Variants in LINGO2 observed in about 807,000 individuals in gnomAD.
LINGO2 encodes the protein leucine-rich repeat and immunoglobulin-like domain-containing nogo receptor-interacting protein 2.
LINGO2 carries 14 observed loss-of-function variants against 30.6 expected under a neutral mutation model. The ratio of observed to expected loss-of-function variants is 0.46; its 90% confidence interval spans 0.30 to 0.72. LINGO2 has a LOEUF of 0.72. LINGO2 is among the 30% of genes least tolerant of loss of function. The probability of loss-of-function intolerance (pLI) is 0.07; values close to 1 mark genes in which losing one functional copy is unlikely to be tolerated. For synonymous variants in LINGO2, 317 were observed against 288.5 expected (o/e 1.10, Z -1.00); for missense variants, 729 against 751.7 (o/e 0.97, Z 0.35).
At chr9:28,613,096 C>T (rs568209753) in intron 1 of LINGO2, among the ~76,000 whole-genome samples, 3 of 152,220 alleles carry the variant, frequency 2.0e-5, no homozygotes, top group South Asian at 2.1e-4. Context: ...GCTTCTCCTT[C>T]GCTCTCTGCT....
intron 4 of LINGO2, among the ~76,000 whole-genome samples, chr9:28,018,529 C>G (rs1043956719): frequency 2.0e-5 from 3 of 151,962 alleles, no homozygotes; most frequent in Admixed American, 1.3e-4. Context: ...AAAAAGTAGA[C>G]AAAGGACATG....
At chr9:29,114,849 A>T in the LINGO2 span, among the ~76,000 whole-genome samples, 1 of 151,934 alleles carries the variant, frequency 6.6e-6, no homozygotes, top group African/African-American at 2.4e-5. Flanking sequence ...GATTATATTG[A>T]CCTGGTTAAA....
At chr9:28,576,562 C>A (rs1303219020) in intron 1 of LINGO2, among the ~76,000 whole-genome samples, 3 of 152,122 alleles carry the variant, frequency 2.0e-5, no homozygotes, top group African/African-American at 4.8e-5. Flanking sequence ...CTTAAATAAT[C>A]AGACACAAAA....
chr9:28,531,478 C>T (rs1050818237), intron 1 of LINGO2, among the ~76,000 whole-genome samples: 3 of 152,090 alleles, frequency 2.0e-5, no homozygotes, highest in African/African-American at 7.2e-5. Flanking sequence ...CAACATCTGA[C>T]TTCATAGTTT....
chr9:27,949,798 T>C (rs779882519), exon 6 of LINGO2: 26 of 1,613,976 alleles, frequency 1.6e-5, no homozygotes, highest in Non-Finnish European at 2.0e-5. Flanking sequence ...TCAGAGAACA[T>C]GCCTGCTTCA....
rs1283053482 is a variant in LINGO2 at position 28,219,278 on chromosome 9, C to T, written c.-87+75930G>A. ...TCTTGCTTTCAAAAAGCTTAATATT[C>T]AGAAAAACTAACGAGTGGCTTTCTG... On this transcript the variant is annotated intron_variant, in intron 4 of 5. Coordinates refer to ENST00000379992, the Ensembl canonical transcript of LINGO2. 1.3e-5 allele frequency among the ~76,000 whole-genome samples: 2 copies of T among 152,146 alleles called. 1 individual carries two copies. Among genetic ancestry groups the T allele is most frequent in the Admixed American group, 1.3e-4 (2 of 15,278 alleles).
At chr9:28,888,842 T>A in the LINGO2 span, 2 of 532,030 alleles carry the variant, frequency 3.8e-6, no homozygotes, top group South Asian at 2.8e-5. Flanking sequence ...CCATAAAATG[T>A]TGTCCATTGC....
intron 1 of LINGO2, among the ~76,000 whole-genome samples, chr9:28,479,742 G>C (rs1825862760): frequency 6.6e-6 from 1 of 150,546 alleles, no homozygotes; most frequent in Non-Finnish European, 1.5e-5. Flanking sequence ...AGGAACATGT[G>C]TCTAGTTCCT....
At chr9:28,332,434 T>C (rs985447798) in intron 3 of LINGO2, among the ~76,000 whole-genome samples, 7 of 152,116 alleles carry the variant, frequency 4.6e-5, no homozygotes, top group African/African-American at 1.4e-4. Context: ...AATGTACCAA[T>C]TCTCTAATAA....
the LINGO2 span, among the ~76,000 whole-genome samples, chr9:28,675,951 A>T: frequency 1.4e-5 from 2 of 147,938 alleles, no homozygotes; most frequent in African/African-American, 2.5e-5. Context: ...ACACACACAC[A>T]GATATATATG....
chr9:29,157,481 G>T, the LINGO2 span, among the ~76,000 whole-genome samples: 1 of 152,168 alleles, frequency 6.6e-6, no homozygotes, highest in Non-Finnish European at 1.5e-5. Context: ...GGTATGGAAA[G>T]TCAAGAGTAA....
chr9:28,300,922 T>C (rs372320270), intron 3 of LINGO2, among the ~76,000 whole-genome samples: 6 of 151,160 alleles, frequency 4.0e-5, no homozygotes, highest in African/African-American at 1.5e-4. Context: ...AATTCATAAA[T>C]TGATCCTGAT....
intron 2 of LINGO2, among the ~76,000 whole-genome samples, chr9:28,392,253 T>G (rs1489936611): frequency 6.6e-6 from 1 of 152,056 alleles, no homozygotes; most frequent in Non-Finnish European, 1.5e-5. Context: ...CTTTAGTCAG[T>G]GAAGATATTT....
At chr9:28,761,979 TTTAATGC>T in the LINGO2 span, among the ~76,000 whole-genome samples, 1 of 151,766 alleles carries the variant, frequency 6.6e-6, no homozygotes, top group Non-Finnish European at 1.5e-5. Context: ...CACATCGTGG[TTTAATGC>T]TTATTCAATC....
chr9:28,400,158 C>A (rs1173897697), intron 2 of LINGO2, among the ~76,000 whole-genome samples: 3 of 152,012 alleles, frequency 2.0e-5, no homozygotes, highest in Non-Finnish European at 4.4e-5. Context: ...AAAGACCAGC[C>A]CAAGATACAA....
intron 1 of LINGO2, among the ~76,000 whole-genome samples, chr9:28,542,776 A>T (rs1296158807): frequency 6.6e-6 from 1 of 152,042 alleles, no homozygotes; most frequent in African/African-American, 2.4e-5. Context: ...GAGAGCAGTG[A>T]TGTGTTCAGG....
the LINGO2 span, among the ~76,000 whole-genome samples, chr9:28,790,326 T>TTTC: frequency 7.3e-5 from 5 of 68,130 alleles, no homozygotes; most frequent in African/African-American, 2.5e-4. Flanking sequence ...CTTTTCTTTC[T>TTTC]TTTTTTTTTT....
the LINGO2 span, among the ~76,000 whole-genome samples, chr9:28,962,580 T>A: frequency 6.6e-6 from 1 of 151,742 alleles, no homozygotes; most frequent in African/African-American, 2.4e-5. Flanking sequence ...TGTATACACA[T>A]AAATTTTAAA....
At chr9:28,971,351 C>A in the LINGO2 span, among the ~76,000 whole-genome samples, 1 of 152,162 alleles carries the variant, frequency 6.6e-6, no homozygotes, top group African/African-American at 2.4e-5. Flanking sequence ...GTCCTAGATT[C>A]TAGGACTTGA....
Sources: allele counts gnomAD v4.1 joint callset (sites outside exome capture counted in the v4.1 genomes callset), GRCh38; gene constraint gnomAD v4.1.1; transcripts MANE v1.5; gene names NCBI Gene and HGNC (gene_info 2026-07-23, HGNC 2026-07-21).